BIRC6: variants seen among roughly 807,000 people sequenced by gnomAD.
BIRC6 encodes the protein baculoviral IAP repeat containing 6.
Under a neutral mutation model 503.3 loss-of-function variants are expected in BIRC6, and 98 were observed. That is an observed-to-expected ratio of 0.19 (90% CI 0.17 to 0.23). The LOEUF (loss-of-function observed/expected upper bound fraction) is 0.23, where lower values mean the gene tolerates loss of function less well. Ranked by LOEUF, BIRC6 falls within the 10% of genes least tolerant of loss-of-function variation. The pLI, the probability that BIRC6 is intolerant of heterozygous loss-of-function variation, is 1.00. For missense variants in BIRC6, 5,360 were observed against 5,806.0 expected, an observed-to-expected ratio of 0.92 and a Z score of 2.50; for synonymous variants, 2,240 against 2,078.7, an observed-to-expected ratio of 1.08 and a Z score of -2.11.
intron 65 of BIRC6, among the ~76,000 whole-genome samples, chr2:32,552,703 A>G (rs2058504912): frequency 6.6e-6 from 1 of 152,112 alleles, no homozygotes. Flanking sequence ...ATAATTGCGT[A>G]AGAACTTTTT....
chr2:32,436,182 A>G lies in BIRC6; in HGVS notation c.3629A>G (p.Lys1210Arg). The change falls in exon 15 of 74, where the codon AAA (lysine) becomes AGA (arginine). Residue 1210 changes from lysine to arginine, a missense_variant and splice_region_variant. Physicochemically the swap from Lys to Arg is conservative, Grantham distance 26. Transcript: ENST00000421745. ...MLTLTSPKLV[K>R]GMAGGKYRSF... ...ACGTTAACAAGCCCCAAACTTGTTA[A>G]AGGTGAAGTAATACATTTTACAAAA... The G allele has an allele frequency of 7.0e-7, 1 of 1,429,766 alleles. No homozygotes were observed. Among genetic ancestry groups the G allele is most frequent in the South Asian group, 1.6e-5 (1 of 61,806 alleles). The allele number at this position is 1,429,766 out of a possible 1,614,324, so 88.6% of individuals were successfully genotyped here. A position where few individuals can be genotyped will look rare whatever the true frequency, so the allele number is the denominator to read the frequency against.
At chr2:32,476,141 T>G (rs528145988) in intron 33 of BIRC6, 72 bp from the exon 34 acceptor site, 154 of 1,167,706 alleles carry the variant, frequency 1.3e-4, no homozygotes, top group Non-Finnish European at 1.7e-4. Context: ...ATGTATGAAT[T>G]CTGTGAGGAG....
chr2:32,520,142 A>C (rs566999569), intron 57 of BIRC6, among the ~76,000 whole-genome samples: 9 of 152,334 alleles, frequency 5.9e-5, no homozygotes, highest in African/African-American at 2.2e-4. Flanking sequence ...AAAAGTTGGA[A>C]ATGTCTATCA....
chr2:32,481,827 A>G (rs555077710), intron 38 of BIRC6, among the ~76,000 whole-genome samples: 1 of 152,294 alleles, frequency 6.6e-6, no homozygotes, highest in East Asian at 1.9e-4. Context: ...CTTTTGGCTT[A>G]GTAATTACTT....
At chr2:32,416,241 A>G (rs2042359410) in intron 10 of BIRC6, 78 bp downstream of exon 10, 1 of 1,346,382 alleles carries the variant, frequency 7.4e-7, no homozygotes. Flanking sequence ...ACCTAGTATG[A>G]ATTTTAGGTT....
intron 1 of BIRC6, among the ~76,000 whole-genome samples, chr2:32,367,184 TG>T (rs11314772): frequency 1 from 152,321 of 152,322 alleles, 76,160 homozygotes; most frequent in Non-Finnish European, 1. Context: ...GTCTGTGGCC[TG>T]GGCATGGTGG....
Position 32,545,854 on chromosome 2 carries a change from A to G in BIRC6, c.12804A>G (p.Gln4268=), listed in dbSNP as rs2058019913. The G allele has an allele frequency of 6.2e-7, 1 of 1,611,406 alleles. No homozygotes were observed. Among genetic ancestry groups the G allele is most frequent in the Non-Finnish European group, 8.5e-7 (1 of 1,177,736 alleles). ...GAGTTCCAAACTCTAGCGTGAATCA[A>G]ACTGAGGTAGGTTCACTTTTAATTA... is the stretch of plus-strand genomic sequence containing the variant. ...SPRVPNSSVN[Q]TEPQVSSSHN... Residue 4268 remains glutamine (Q), a synonymous_variant, in exon 63 of 74, where the codon CAA becomes CAG. Coordinates refer to ENST00000421745, the MANE Select transcript of BIRC6 (RefSeq NM_016252.4).
chr2:32,467,986 G>T lies in BIRC6; in HGVS notation c.5655G>T (p.Leu1885Phe). The change falls in exon 28 of 74, where the codon TTG (leucine) becomes TTT (phenylalanine). Residue 1885 changes from leucine (L) to phenylalanine (F), a missense_variant. This residue lies in a region of BIRC6 where 2,299 missense variants were observed against 2,267.2 expected (regional missense o/e 1.01). Coordinates refer to ENST00000421745, the MANE Select transcript of BIRC6 (RefSeq NM_016252.4). The stretch of plus-strand genomic sequence containing the variant: ...TTTACTATGGTCATACCTACATCTT[G>T]CCTTGGGAAAGTGAACTGAAGTTAA... ...LGFYYGHTYI[L>F]PWESELKLMH... The T allele has an allele frequency of 1.2e-6, 2 of 1,613,710 alleles. No individual in the cohort carries two copies. Among genetic ancestry groups the T allele is most frequent in the Non-Finnish European group, 1.7e-6 (2 of 1,179,798 alleles).
chr2:32,369,945 A>AATATATAT (rs67839399), intron 1 of BIRC6, among the ~76,000 whole-genome samples: 12 of 44,202 alleles, frequency 2.7e-4, no homozygotes, highest in Admixed American at 6.4e-4. Flanking sequence ...AAAAAAAAAA[A>AATATATAT]ATATATATAT....
intron 46 of BIRC6, 47 bp downstream of exon 46, chr2:32,500,156 C>A (rs768666419): frequency 6.7e-7 from 1 of 1,483,954 alleles, no homozygotes; most frequent in Non-Finnish European, 9.1e-7. Flanking sequence ...GATACTATAA[C>A]TGGTTTTTTT....
chr2:32,515,572 T>G lies in BIRC6; in HGVS notation c.11151T>G (p.Phe3717Leu), dbSNP rs779598087. 81 of 1,613,856 alleles carry G rather than the reference T, an allele frequency of 5.0e-5. No individual in the cohort carries two copies. The Middle Eastern group carries it at 8.2e-4, about 16-fold the overall frequency. The change falls in exon 55 of 74, where the codon TTT becomes TTG. Residue 3717 changes from phenylalanine (F) to leucine (L), a missense_variant. Transcript: ENST00000421745. ...ATCCACTATGGACAGCACTTCTGTT[T>G]TTATTGTGTCACTCTGGGTCCACTT... Reference protein sequence around the residue: ...EVNPLWTALLFLLCHSGSTSG... With the variant: ...EVNPLWTALLLLLCHSGSTSG...
chr2:32,557,601 G>A (rs1434877964), intron 65 of BIRC6: 1 of 152,208 alleles, frequency 6.6e-6, no homozygotes, highest in Non-Finnish European at 1.5e-5. Flanking sequence ...ACCCTGGGAT[G>A]TATGTCTTAA....
rs375159430 is a variant in BIRC6, at chr2:32,463,240, G to A, written c.4800G>A (p.Gly1600=). 8 of 1,613,440 alleles carry A rather than the reference G, an allele frequency of 5.0e-6. No individual in the cohort carries two copies. Among genetic ancestry groups the A allele is most frequent in the Non-Finnish European group, 5.9e-6 (7 of 1,179,724 alleles). The change falls in exon 24 of 74, where the codon GGG becomes GGA. Residue 1600 remains glycine (G), a synonymous_variant. Transcript: ENST00000421745. ...VTPAVGGLSS[G]TVGEASTALS... is the part of the protein sequence containing the mutation. ...CTGCAGTAGGTGGACTATCATCTGG[G>A]ACAGTTGGGGAAGCCTCGACAGCCC... is the stretch of plus-strand genomic sequence containing the variant.
rs1399511905 is a variant in BIRC6 at position 32,429,027 on chromosome 2, T to G, written c.2873-119T>G. ...CTAAACTCTTGGAAATACATCACAT[T>G]GGTAGCTTTCCTTATCTGCCTATGA... On this transcript the variant is annotated intron_variant, in intron 10 of 73. Transcript: ENST00000421745. 1.7e-5 allele frequency: 15 copies of G among 871,290 alleles called. No homozygotes were observed. In the African/African-American group the frequency reaches 2.5e-4, roughly 14 times the overall value. The allele number at this position is 871,290 out of a possible 1,614,324, so 54.0% of individuals were successfully genotyped here.
At position 32,578,979 on chromosome 2, in the gene BIRC6, A is replaced by T. The variant is rs867063688; in HGVS notation, c.13355+3613A>T. On this transcript the variant is annotated intron_variant, in intron 66 of 73. Transcript: ENST00000421745. ...GTTTACTACTTATTTTTATATACCT[A>T]ATATATATATACACTTAATATATAT... Among the ~76,000 whole-genome samples, 584 of 74,210 alleles carry T rather than the reference A, an allele frequency of 7.9e-3. 16 individuals carry two copies. Among genetic ancestry groups the T allele is most frequent in the Middle Eastern group, 0.03 (4 of 134 alleles). The allele number at this position is 74,210 out of a possible 152,430, so 48.7% of individuals were successfully genotyped here.
intron 8 of BIRC6, among the ~76,000 whole-genome samples, chr2:32,401,924 G>A (rs776364464): frequency 3.9e-5 from 6 of 152,150 alleles, no homozygotes; most frequent in African/African-American, 9.7e-5. Flanking sequence ...ATAATGAAAT[G>A]AAATTCTATT....
intron 15 of BIRC6, among the ~76,000 whole-genome samples, chr2:32,438,468 A>T (rs2044994166): frequency 6.6e-6 from 1 of 152,150 alleles, no homozygotes; most frequent in Non-Finnish European, 1.5e-5. Flanking sequence ...ATTTAATGAT[A>T]ATTAAGAAAT....
chr2:32,583,415 G>A (rs550486247), intron 66 of BIRC6, among the ~76,000 whole-genome samples: 1 of 152,132 alleles, frequency 6.6e-6, no homozygotes, highest in African/African-American at 2.4e-5. Context: ...AAGTGTAAAA[G>A]TTAACACAGA....
intron 61 of BIRC6, among the ~76,000 whole-genome samples, chr2:32,539,899 AT>A (rs1382836495): frequency 2.6e-5 from 4 of 152,100 alleles, no homozygotes; most frequent in African/African-American, 7.2e-5. Context: ...TTGATAAACT[AT>A]GAAAAATTTT....
Sources: gnomAD v4.1 joint callset for allele counts (sites outside exome capture counted in the v4.1 genomes callset) on GRCh38, gnomAD v4.1.1 for gene constraint, gnomAD v4.1.1 regional missense constraint, MANE v1.5 for transcripts, NCBI Gene and HGNC (gene_info 2026-07-23, HGNC 2026-07-21) for gene names.